PRICKLE2: variants seen among roughly 807,000 people sequenced by gnomAD.
PRICKLE2 encodes prickle planar cell polarity protein 2, also known as prickle-like protein 2.
Under a neutral mutation model 81.4 loss-of-function variants are expected in PRICKLE2, and 21 were observed. The ratio of observed to expected loss-of-function variants is 0.26; its 90% CI spans 0.18 to 0.37. The LOEUF (loss-of-function observed/expected upper bound fraction) is 0.37, where lower values mean the gene tolerates loss of function less well. Among genes scored for constraint, PRICKLE2 ranks in the 10% least tolerant of loss-of-function variants. PRICKLE2 has a pLI of 1.00. For missense variants in PRICKLE2, 940 were observed against 1,109.0 expected, an observed-to-expected ratio of 0.85 and a Z score of 2.16; for synonymous variants, 456 against 421.5, an observed-to-expected ratio of 1.08 and a Z score of -1.00.
At chr3:64,173,615 G>T in intron 2 of PRICKLE2, among the ~76,000 whole-genome samples, 1 of 152,116 alleles carries the variant, frequency 6.6e-6, no homozygotes, top group Admixed American at 6.5e-5. Flanking sequence ...AGCTTAAATG[G>T]CCAGTATCCT....
Position 64,153,203 on chromosome 3 carries a change from C to G in PRICKLE2, c.766G>C (p.Asp256His). ...TCACCTATATGTTGGGCACAGGTGT[C>G]ACAATATTCTGCATACAAGGACTCG... ...CFESLYAEYC[D>H]TCAQHIGIDQ... The change falls in exon 6 of 8, where the codon GAC (aspartate) becomes CAC (histidine). Residue 256 changes from aspartate (D) to histidine (H), a missense_variant. Coordinates refer to ENST00000638394, the MANE Select transcript of PRICKLE2 (RefSeq NM_198859.4). 6.2e-7 allele frequency: 1 copy of G among 1,614,156 alleles called. No homozygotes were observed.
chr3:64,165,994 G>A (rs968587486), intron 2 of PRICKLE2, among the ~76,000 whole-genome samples: 1 of 144,102 alleles, frequency 6.9e-6, no homozygotes, highest in Admixed American at 6.8e-5. Flanking sequence ...GTGTGTGTGT[G>A]TGTGTGTGTG....
chr3:64,098,820 C>T lies in PRICKLE2; in HGVS notation c.*231G>A, dbSNP rs2076606180. 9.6e-5 allele frequency: 54 copies of T among 563,842 alleles called. No homozygotes were observed. The South Asian group carries it at 1.0e-3, about 10-fold the overall frequency. The allele number at this position is 563,842 out of a possible 1,614,324, so 34.9% of individuals were successfully genotyped here. On this transcript the variant is annotated 3_prime_UTR_variant, in exon 8 of 8. Coordinates refer to ENST00000638394, the MANE Select transcript of PRICKLE2 (RefSeq NM_198859.4). ...GGAAGGAAGTGACCAAGCCTGGCCT[C>T]GATAGAGTCTACTGTGTTTCCAAAG...
chr3:64,177,125 C>CGT (rs2078038523), intron 2 of PRICKLE2, among the ~76,000 whole-genome samples: 1 of 70,838 alleles, frequency 1.4e-5, no homozygotes, highest in African/African-American at 6.1e-5. Context: ...CCATTTTAAC[C>CGT]TTTTTTTTTT....
chr3:64,108,375 C>A (rs867994756), intron 7 of PRICKLE2, among the ~76,000 whole-genome samples: 5 of 152,168 alleles, frequency 3.3e-5, no homozygotes, highest in African/African-American at 1.2e-4. Context: ...CTTTCTCCAA[C>A]TAAGTCAATC....
intron 1 of PRICKLE2, among the ~76,000 whole-genome samples, chr3:64,216,495 G>A (rs1449533548): frequency 6.6e-6 from 1 of 152,166 alleles, no homozygotes; most frequent in Admixed American, 6.5e-5. Flanking sequence ...ATGCTCAATT[G>A]CTATTTCTCA....
intron 2 of PRICKLE2, among the ~76,000 whole-genome samples, chr3:64,267,407 G>A (rs1414161409): frequency 1.3e-5 from 2 of 150,988 alleles, no homozygotes; most frequent in East Asian, 3.9e-4. Context: ...ATCTTTTCGG[G>A]GATATAAGCT....
rs2079013639 is a variant in PRICKLE2, at chr3:64,225,175, C to G, written c.-306G>C. 33 of 985,302 alleles carry G rather than the reference C, an allele frequency of 3.3e-5. No individual in the cohort carries two copies. In the South Asian group the frequency reaches 1.5e-3, roughly 45 times the overall value. The allele number at this position is 985,302 out of a possible 1,614,324, so 61.0% of individuals were successfully genotyped here. On this transcript the variant is annotated 5_prime_UTR_variant, in exon 1 of 8. Transcript: ENST00000638394. ...AGACTCTGCTGGGGAATTCACCAAG[C>G]AAGAGAAAAAAAGTATGACTTCTAC... is the stretch of plus-strand genomic sequence containing the variant.
At position 64,159,982 on chromosome 3, in the gene PRICKLE2, G is replaced by A. The variant is rs539996562; in HGVS notation, c.354C>T (p.Val118=). 1 of 1,614,142 alleles carries A rather than the reference G, an allele frequency of 6.2e-7. No homozygotes were observed. Among genetic ancestry groups the A allele is most frequent in the South Asian group, 1.1e-5 (1 of 91,064 alleles). The part of the protein sequence containing the change: ...RKRENLGRGN[V]RPFPVTMTGA... ...CTGTCATGGTGACTGGGAAAGGCCT[G>A]ACATTCCCGCGGCCCAAGTTTTCGC... The change falls in exon 4 of 8, where the codon GTC becomes GTT. Residue 118 remains valine, a synonymous_variant. Coordinates refer to ENST00000638394, the MANE Select transcript of PRICKLE2 (RefSeq NM_198859.4).
chr3:64,229,078 A>G (rs978117671), upstream of PRICKLE2, among the ~76,000 whole-genome samples: 8 of 152,318 alleles, frequency 5.3e-5, no homozygotes, highest in East Asian at 9.6e-4. Flanking sequence ...AGTCAAATTC[A>G]CCTTCTGCTA....
rs529914444 is a variant in PRICKLE2, at chr3:64,106,554, G to A, written c.1661-6629C>T. On this transcript the variant is annotated intron_variant, in intron 7 of 7. Transcript: ENST00000638394. ...ATCCACTTGAACGCCAGCCACTGTTGTAAATTATCTGTGCCTCCAAACCGT... is the reference window on the plus strand; with the variant it reads ...ATCCACTTGAACGCCAGCCACTGTTATAAATTATCTGTGCCTCCAAACCGT... 2.6e-5 allele frequency among the ~76,000 whole-genome samples: 4 copies of A among 152,316 alleles called. No individual in the cohort carries two copies. The South Asian group carries it at 8.3e-4, about 32-fold the overall frequency.
At chr3:64,137,838 G>A (rs1321605445) in intron 7 of PRICKLE2, among the ~76,000 whole-genome samples, 1 of 152,174 alleles carries the variant, frequency 6.6e-6, no homozygotes, top group African/African-American at 2.4e-5. Context: ...GCCAACAACA[G>A]GGCACAGCTT....
chr3:64,193,942 G>C (rs2078399558), intron 2 of PRICKLE2, among the ~76,000 whole-genome samples: 2 of 152,250 alleles, frequency 1.3e-5, no homozygotes, highest in African/African-American at 4.8e-5. Flanking sequence ...TCTTGGGTAT[G>C]TCTTTATCAG....
intron 1 of PRICKLE2, among the ~76,000 whole-genome samples, chr3:64,204,601 C>A (rs1015574121): frequency 6.6e-6 from 1 of 151,712 alleles, no homozygotes; most frequent in South Asian, 2.1e-4. Flanking sequence ...CTCACACACA[C>A]GCAAAAGCAA....
At chr3:64,177,625 G>A (rs754337106) in intron 2 of PRICKLE2, among the ~76,000 whole-genome samples, 3 of 152,058 alleles carry the variant, frequency 2.0e-5, no homozygotes, top group African/African-American at 4.8e-5. Flanking sequence ...CTGTCTCTAT[G>A]AGTCTGCCTA....
At chr3:64,266,157 C>T (rs2079704760) in intron 2 of PRICKLE2, among the ~76,000 whole-genome samples, 1 of 151,630 alleles carries the variant, frequency 6.6e-6, no homozygotes, top group South Asian at 2.1e-4. Flanking sequence ...TGGTAATTTC[C>T]TGCAGACAGG....
intron 2 of PRICKLE2, among the ~76,000 whole-genome samples, chr3:64,251,794 C>A (rs1350540807): frequency 6.6e-6 from 1 of 152,318 alleles, no homozygotes; most frequent in East Asian, 1.9e-4. Context: ...GCAGAGCAAT[C>A]TAGTTATATT....
chr3:64,183,774 T>C (rs1020937069), intron 2 of PRICKLE2, among the ~76,000 whole-genome samples: 3 of 152,218 alleles, frequency 2.0e-5, no homozygotes, highest in Admixed American at 2.0e-4. Flanking sequence ...AGCTAGAAGA[T>C]GCAAAGAAAC....
At chr3:64,265,191 C>A (rs1342444695) in intron 2 of PRICKLE2, among the ~76,000 whole-genome samples, 1 of 152,090 alleles carries the variant, frequency 6.6e-6, no homozygotes, top group African/African-American at 2.4e-5. Flanking sequence ...ACAAAAAAAA[C>A]TGAATGGCAA....
Sources: gnomAD v4.1 joint callset for allele counts (sites outside exome capture counted in the v4.1 genomes callset) on GRCh38, gnomAD v4.1.1 for gene constraint, MANE v1.5 for transcripts, NCBI Gene and HGNC (gene_info 2026-07-23, HGNC 2026-07-21) for gene names.